The following IGF2BP2 variants were observed in gnomAD, a reference collection of about 807,000 sequenced individuals.
IGF2BP2 encodes the protein insulin-like growth factor 2 mRNA-binding protein 2.
A neutral mutation model predicts 75.8 loss-of-function variants in IGF2BP2; 17 were observed. The ratio of observed to expected loss-of-function variants is 0.22; its 90% CI spans 0.15 to 0.34. IGF2BP2 has a LOEUF of 0.34. Ranked by LOEUF, IGF2BP2 falls within the 10% of genes least tolerant of loss-of-function variation. IGF2BP2 has a pLI of 1.00. For synonymous variants in IGF2BP2, 288 were observed against 295.6 expected (o/e 0.97, Z 0.26); for missense variants, 516 against 772.4 (o/e 0.67, Z 3.93).
chr3:185,669,228 A>G (rs958333020), intron 10 of IGF2BP2, among the ~76,000 whole-genome samples: 2 of 152,144 alleles, frequency 1.3e-5, no homozygotes, highest in African/African-American at 2.4e-5. Context: ...AAATGTACAG[A>G]TTCTTTGATT....
intron 2 of IGF2BP2, among the ~76,000 whole-genome samples, chr3:185,731,247 T>C (rs1471894220): frequency 1.1e-5 from 1 of 90,052 alleles, no homozygotes; most frequent in Non-Finnish European, 2.2e-5. Context: ...CATCACTTTC[T>C]TTTTTTTTTT....
At chr3:185,692,037 A>C (rs1577988882) in intron 5 of IGF2BP2, among the ~76,000 whole-genome samples, 1 of 152,256 alleles carries the variant, frequency 6.6e-6, no homozygotes, top group Middle Eastern at 3.4e-3. Flanking sequence ...GCCTGGCCTC[A>C]TTGTTTTTTA....
At chr3:185,811,151 G>A (rs941370542) in intron 2 of IGF2BP2, among the ~76,000 whole-genome samples, 1 of 151,962 alleles carries the variant, frequency 6.6e-6, no homozygotes, top group Non-Finnish European at 1.5e-5. Context: ...AAAATGTAGG[G>A]TACTTTATAA....
At chr3:185,781,102 A>C (rs949387253) in intron 2 of IGF2BP2, among the ~76,000 whole-genome samples, 1 of 152,202 alleles carries the variant, frequency 6.6e-6, no homozygotes, top group Non-Finnish European at 1.5e-5. Context: ...TAACTTTTCC[A>C]ATACCTTGCC....
chr3:185,758,282 A>G (rs1459075870), intron 2 of IGF2BP2, among the ~76,000 whole-genome samples: 6 of 152,224 alleles, frequency 3.9e-5, no homozygotes, highest in Admixed American at 6.5e-5. Flanking sequence ...TCAAGCATCC[A>G]AAGTGTATAT....
intron 2 of IGF2BP2, among the ~76,000 whole-genome samples, chr3:185,757,557 C>T (rs939254594): frequency 4.6e-5 from 7 of 151,224 alleles, no homozygotes; most frequent in African/African-American, 7.3e-5. Flanking sequence ...CCTGACTTCC[C>T]GGGTTCAGGT....
intron 2 of IGF2BP2, among the ~76,000 whole-genome samples, chr3:185,778,821 C>A (rs1026540002): frequency 2.6e-5 from 4 of 152,226 alleles, no homozygotes; most frequent in African/African-American, 9.6e-5. Flanking sequence ...CTCTGACCAA[C>A]ATTGCTAGTT....
intron 7 of IGF2BP2, 41 bp from the exon 8 acceptor site, chr3:185,675,954 TA>T: frequency 6.3e-7 from 1 of 1,596,128 alleles, no homozygotes; most frequent in Non-Finnish European, 8.5e-7. Context: ...CAGATACGTA[TA>T]ACGGTTGTCT....
chr3:185,751,453 C>G (rs1268536184), intron 2 of IGF2BP2, among the ~76,000 whole-genome samples: 1 of 151,310 alleles, frequency 6.6e-6, no homozygotes, highest in Non-Finnish European at 1.5e-5. Context: ...TGGCGCACGC[C>G]TGTAATTCCA....
chr3:185,719,461 T>A (rs1381101944), intron 2 of IGF2BP2, among the ~76,000 whole-genome samples: 1 of 152,216 alleles, frequency 6.6e-6, no homozygotes. Context: ...CTTATTTGCA[T>A]GAACATTCCT....
intron 2 of IGF2BP2, among the ~76,000 whole-genome samples, chr3:185,787,151 C>T (rs1736006355): frequency 6.6e-6 from 1 of 152,118 alleles, no homozygotes; most frequent in Non-Finnish European, 1.5e-5. Flanking sequence ...TGGCGAGTTA[C>T]TGTTTAATGG....
rs73058847 is a variant in IGF2BP2 at position 185,658,165 on chromosome 3, A to G, written c.1269+176T>C. 9.9e-3 allele frequency among the ~76,000 whole-genome samples: 1,502 copies of G among 152,254 alleles called. 22 individuals are homozygous for G. Among genetic ancestry groups the G allele is most frequent in the African/African-American group, 0.034 (1,404 of 41,532 alleles). On this transcript the variant is annotated intron_variant, in intron 11 of 15. Coordinates refer to ENST00000382199, the MANE Select transcript of IGF2BP2 (RefSeq NM_006548.6). ...GCCTAGGCCTCTGCAGAACCTCAAG[A>G]GCACTCGGGTGCTGGGGAGTTTGGC...
At chr3:185,749,404 T>C (rs1730673802) in intron 2 of IGF2BP2, among the ~76,000 whole-genome samples, 1 of 152,210 alleles carries the variant, frequency 6.6e-6, no homozygotes, top group Non-Finnish European at 1.5e-5. Flanking sequence ...ACACAATCAA[T>C]TGTTGATTAG....
intron 2 of IGF2BP2, among the ~76,000 whole-genome samples, chr3:185,814,417 C>T (rs1252818828): frequency 6.6e-6 from 1 of 152,284 alleles, no homozygotes; most frequent in East Asian, 1.9e-4. Flanking sequence ...AGTAAAAGGT[C>T]TCCATGTAAT....
intron 2 of IGF2BP2, among the ~76,000 whole-genome samples, chr3:185,742,522 T>C (rs943521005): frequency 1.3e-5 from 2 of 151,436 alleles, no homozygotes; most frequent in Non-Finnish European, 2.9e-5. Context: ...CCAAGCGTAG[T>C]GGTGCACACC....
intron 2 of IGF2BP2, among the ~76,000 whole-genome samples, chr3:185,715,461 A>G (rs1447576737): frequency 6.6e-6 from 1 of 152,202 alleles, no homozygotes; most frequent in Non-Finnish European, 1.5e-5. Context: ...AGGTAAGCAC[A>G]GCCAGCAGCA....
At chr3:185,773,367 C>A (rs1013602256) in intron 2 of IGF2BP2, among the ~76,000 whole-genome samples, 1 of 152,132 alleles carries the variant, frequency 6.6e-6, no homozygotes, top group Non-Finnish European at 1.5e-5. Context: ...ATCTATTAGA[C>A]CTTCAAATAA....
intron 5 of IGF2BP2, 105 bp from the exon 6 acceptor site, chr3:185,689,732 G>T: frequency 7.8e-7 from 1 of 1,284,840 alleles, no homozygotes; most frequent in South Asian, 1.3e-5. Flanking sequence ...ACTTTGGGAG[G>T]CCGAGGCGGG....
intron 15 of IGF2BP2, 125 bp downstream of exon 15, chr3:185,646,900 G>C: frequency 2.8e-6 from 2 of 712,320 alleles, no homozygotes; most frequent in Non-Finnish European, 2.5e-6. Context: ...GGAAGAACCA[G>C]GGAGAGGTTC....
Sources: allele counts gnomAD v4.1 joint callset (sites outside exome capture counted in the v4.1 genomes callset), GRCh38; gene constraint gnomAD v4.1.1; transcripts MANE v1.5; gene names NCBI Gene and HGNC (gene_info 2026-07-23, HGNC 2026-07-21).